The following NELL2 variants were observed in gnomAD, a reference collection of about 807,000 sequenced individuals.
NELL2 encodes protein kinase C-binding protein NELL2.
A neutral mutation model predicts 109.6 loss-of-function variants in NELL2; 41 were observed. The ratio of observed to expected loss-of-function variants is 0.37; its 90% confidence interval spans 0.29 to 0.49. NELL2 has a LOEUF of 0.49. NELL2 is among the 20% of genes least tolerant of loss of function. The pLI is 0.98. For synonymous variants in NELL2, 355 were observed against 344.7 expected (o/e 1.03, Z -0.33); for missense variants, 900 against 1,008.3 (o/e 0.89, Z 1.45).
rs1249941501 is a variant in NELL2, at chr12:44,729,192, C to T, written c.995-14451G>A. Among the ~76,000 whole-genome samples, 66 of 151,856 alleles carry T rather than the reference C, an allele frequency of 4.3e-4. 3 individuals are homozygous for T. The highest frequency in any genetic ancestry group is 4.3e-3 in the Admixed American group (65 of 15,250). ...AAAAATATGTTAATGGACATGCCACCTAAAAATGGTAATTTGTGACATCAA... is the reference window on the plus strand; with the variant it reads ...AAAAATATGTTAATGGACATGCCACTTAAAAATGGTAATTTGTGACATCAA... On this transcript the variant is annotated intron_variant, in intron 9 of 19. Coordinates refer to ENST00000429094, the MANE Select transcript of NELL2 (RefSeq NM_001145108.2).
At chr12:44,548,638 A>G (rs1393476472) in intron 15 of NELL2, among the ~76,000 whole-genome samples, 1 of 152,082 alleles carries the variant, frequency 6.6e-6, no homozygotes, top group African/African-American at 2.4e-5. Context: ...TTGGTTGTTC[A>G]AAGAATATGA....
At chr12:44,689,366 A>C (rs560440771) in intron 12 of NELL2, among the ~76,000 whole-genome samples, 1 of 152,350 alleles carries the variant, frequency 6.6e-6, no homozygotes, top group African/African-American at 2.4e-5. Flanking sequence ...AAGACTCAAA[A>C]ATGAAAAAAT....
intron 14 of NELL2, among the ~76,000 whole-genome samples, chr12:44,609,299 T>C (rs1001431718): frequency 6.6e-6 from 1 of 151,926 alleles, no homozygotes; most frequent in Non-Finnish European, 1.5e-5. Flanking sequence ...AACAGTGTAT[T>C]TGATAATCGG....
At chr12:44,825,139 G>A (rs1943668911) in intron 2 of NELL2, among the ~76,000 whole-genome samples, 1 of 152,058 alleles carries the variant, frequency 6.6e-6, no homozygotes, top group Non-Finnish European at 1.5e-5. Context: ...TTCTATTTCT[G>A]TGGGAATATG....
intron 2 of NELL2, among the ~76,000 whole-genome samples, chr12:44,872,761 A>G (rs537934877): frequency 6.6e-6 from 1 of 152,322 alleles, no homozygotes; most frequent in Admixed American, 6.5e-5. Context: ...GAAACCTGAG[A>G]GCATCTCACG....
intron 9 of NELL2, among the ~76,000 whole-genome samples, chr12:44,728,376 A>T (rs1939193482): frequency 6.6e-6 from 1 of 152,152 alleles, no homozygotes; most frequent in Non-Finnish European, 1.5e-5. Flanking sequence ...TCAACAGTAG[A>T]TTTGATTAAG....
At chr12:44,868,243 G>T (rs1365280504) in intron 2 of NELL2, among the ~76,000 whole-genome samples, 2 of 151,816 alleles carry the variant, frequency 1.3e-5, no homozygotes, top group Non-Finnish European at 2.9e-5. Context: ...AGGTGAAAGA[G>T]CTGTATACTG....
At chr12:44,519,908 A>T (rs1484648326) in intron 19 of NELL2, 97 bp downstream of exon 19, 2 of 1,117,170 alleles carry the variant, frequency 1.8e-6, no homozygotes, top group Non-Finnish European at 2.6e-6. Flanking sequence ...GGAAAAAAAA[A>T]AAAAACCTTC....
intron 12 of NELL2, among the ~76,000 whole-genome samples, chr12:44,685,380 T>C (rs1315494884): frequency 6.6e-6 from 1 of 152,174 alleles, no homozygotes; most frequent in African/African-American, 2.4e-5. Context: ...TTTGCCAGTC[T>C]GTGTCTTTTA....
intron 15 of NELL2, among the ~76,000 whole-genome samples, chr12:44,565,706 C>A (rs1315240148): frequency 6.6e-6 from 1 of 152,124 alleles, no homozygotes; most frequent in African/African-American, 2.4e-5. Context: ...TTTTAAATGT[C>A]TCTGGGCATA....
At chr12:44,916,081 A>T (rs888099021), upstream of NELL2, among the ~76,000 whole-genome samples, 1 of 152,228 alleles carries the variant, frequency 6.6e-6, no homozygotes, top group Non-Finnish European at 1.5e-5. Context: ...TATTTCAAGG[A>T]TGTTTAAATC....
intron 9 of NELL2, among the ~76,000 whole-genome samples, chr12:44,716,930 G>T (rs914819205): frequency 2.0e-5 from 3 of 152,072 alleles, no homozygotes; most frequent in Non-Finnish European, 4.4e-5. Flanking sequence ...TAATTCAGAA[G>T]ACTCAAATAG....
At position 44,804,156 on chromosome 12, in the gene NELL2, A is replaced by T. The variant is rs1942923772; in HGVS notation, c.335+11830T>A. Among the ~76,000 whole-genome samples, 2 of 151,964 alleles carry T rather than the reference A, an allele frequency of 1.3e-5. 1 individual carries two copies. Among genetic ancestry groups the T allele is most frequent in the South Asian group, 4.1e-4 (2 of 4,834 alleles). ...TATGATGCATTCAGTATCCTCAAGA[A>T]TGTGTCATCCCACAATCAAGTGTAA... On this transcript the variant is annotated intron_variant, in intron 3 of 19. Transcript: ENST00000429094.
chr12:44,810,790 G>T (rs1943149655), intron 3 of NELL2, among the ~76,000 whole-genome samples: 2 of 152,112 alleles, frequency 1.3e-5, no homozygotes, highest in South Asian at 2.1e-4. Flanking sequence ...GGGTCGCAGG[G>T]GACAGGAATG....
At chr12:44,728,507 C>T (rs1177587894) in intron 9 of NELL2, among the ~76,000 whole-genome samples, 1 of 151,880 alleles carries the variant, frequency 6.6e-6, no homozygotes, top group Non-Finnish European at 1.5e-5. Context: ...TCAAGTGAAC[C>T]AACTTATGCA....
At chr12:44,726,102 CAA>C (rs1221830754) in intron 9 of NELL2, among the ~76,000 whole-genome samples, 9 of 152,022 alleles carry the variant, frequency 5.9e-5, no homozygotes, top group African/African-American at 1.7e-4. Flanking sequence ...AAGTAATTGA[CAA>C]GAGAGTCCTT....
chr12:44,568,377 T>C (rs1943737552), intron 15 of NELL2, among the ~76,000 whole-genome samples: 1 of 152,164 alleles, frequency 6.6e-6, no homozygotes, highest in African/African-American at 2.4e-5. Flanking sequence ...TATTCCCATA[T>C]TGAGATACAT....
At chr12:44,766,698 T>C (rs1357398718) in intron 9 of NELL2, among the ~76,000 whole-genome samples, 2 of 152,206 alleles carry the variant, frequency 1.3e-5, no homozygotes, top group Admixed American at 6.5e-5. Context: ...TCCTCTTACT[T>C]ATTTCAAAGC....
intron 1 of NELL2, among the ~76,000 whole-genome samples, chr12:44,885,968 A>C (rs1487260683): frequency 6.6e-6 from 1 of 151,654 alleles, no homozygotes; most frequent in Non-Finnish European, 1.5e-5. Flanking sequence ...GAGCATAGGA[A>C]TAGACATATA....
Sources: gnomAD v4.1 joint callset for allele counts (sites outside exome capture counted in the v4.1 genomes callset) on GRCh38, gnomAD v4.1.1 for gene constraint, MANE v1.5 for transcripts, NCBI Gene and HGNC (gene_info 2026-07-23, HGNC 2026-07-21) for gene names.